L3MBTL4: variants seen among roughly 807,000 people sequenced by gnomAD.
The protein encoded by L3MBTL4 is lethal(3)malignant brain tumor-like protein 4.
Under a neutral mutation model 84.5 loss-of-function variants are expected in L3MBTL4, and 70 were observed. The observed-to-expected ratio is 0.83, with a 90% CI of 0.68 to 1.01. The LOEUF (loss-of-function observed/expected upper bound fraction) is 1.01, where lower values mean the gene tolerates loss of function less well. Among genes scored for constraint, L3MBTL4 ranks in the 50% least tolerant of loss-of-function variants. The pLI is 0.00. For missense variants in L3MBTL4, 715 were observed against 754.8 expected, an observed-to-expected ratio of 0.95 and a Z score of 0.62; for synonymous variants, 274 against 259.8, an observed-to-expected ratio of 1.05 and a Z score of -0.52.
chr18:6,400,970 T>C (rs1460250133), intron 1 of L3MBTL4, among the ~76,000 whole-genome samples: 1 of 152,172 alleles, frequency 6.6e-6, no homozygotes, highest in Non-Finnish European at 1.5e-5. Flanking sequence ...TCACAAGGTG[T>C]CCTCAATGTA....
chr18:6,177,653 G>A (rs141458435), intron 12 of L3MBTL4, among the ~76,000 whole-genome samples: 1 of 152,246 alleles, frequency 6.6e-6, no homozygotes, highest in African/African-American at 2.4e-5. Flanking sequence ...TCTACATTCA[G>A]CTGCTGTCAC....
intron 1 of L3MBTL4, among the ~76,000 whole-genome samples, chr18:6,345,328 C>T (rs955311936): frequency 3.3e-5 from 5 of 151,290 alleles, no homozygotes; most frequent in Non-Finnish European, 5.9e-5. Flanking sequence ...ACCCGTGAGG[C>T]GGAGGTTGCA....
chr18:6,024,537 A>G (rs2055417289), intron 16 of L3MBTL4, among the ~76,000 whole-genome samples: 1 of 152,250 alleles, frequency 6.6e-6, no homozygotes. Flanking sequence ...TAGTCACTAA[A>G]GCCCACAAAA....
At chr18:6,328,620 C>T (rs1456431629) in intron 1 of L3MBTL4, among the ~76,000 whole-genome samples, 1 of 152,186 alleles carries the variant, frequency 6.6e-6, no homozygotes, top group East Asian at 1.9e-4. Context: ...TATTTTGTTG[C>T]TAGAACATGT....
chr18:6,343,616 C>T lies in L3MBTL4; in HGVS notation c.-90-31560G>A, dbSNP rs569907011. Among the ~76,000 whole-genome samples the T allele has an allele frequency of 7.4e-5, 11 of 148,540 alleles. No homozygotes were observed. The South Asian group carries it at 1.3e-3, about 17-fold the overall frequency. ...GGCAGAGCTTGCAGCGAGTCAAGAT[C>T]GCACCACTGCACTCCAGCCTTGGCA... On this transcript the variant is annotated intron_variant, in intron 1 of 18. Transcript: ENST00000317931.
chr18:6,090,905 GC>G (rs1427878719), intron 15 of L3MBTL4, among the ~76,000 whole-genome samples: 1 of 151,680 alleles, frequency 6.6e-6, no homozygotes, highest in Non-Finnish European at 1.5e-5. Flanking sequence ...ATTACAGAAG[GC>G]CTGTCCAGAG....
chr18:6,374,627 T>C (rs912318833), intron 1 of L3MBTL4, among the ~76,000 whole-genome samples: 1 of 152,162 alleles, frequency 6.6e-6, no homozygotes, highest in Non-Finnish European at 1.5e-5. Context: ...ATCACCAGAA[T>C]GGTAAACTGG....
At chr18:6,206,621 G>GT in intron 12 of L3MBTL4, among the ~76,000 whole-genome samples, 1 of 152,278 alleles carries the variant, frequency 6.6e-6, no homozygotes, top group Middle Eastern at 3.4e-3. Context: ...AATGTGAAAG[G>GT]TAAGTCCCTA....
At chr18:6,370,133 C>CAAA (rs35835409) in intron 1 of L3MBTL4, among the ~76,000 whole-genome samples, 21 of 88,264 alleles carry the variant, frequency 2.4e-4, no homozygotes, top group Admixed American at 3.7e-4. Flanking sequence ...GACTCGGTCT[C>CAAA]AAAAAAAAAA....
chr18:6,241,489 T>A, intron 7 of L3MBTL4, 40 bp from the exon 8 acceptor site: 2 of 1,071,512 alleles, frequency 1.9e-6, no homozygotes, highest in Non-Finnish European at 2.8e-6. Flanking sequence ...CCAAAAGATG[T>A]AATCACATGC....
In L3MBTL4 at chr18:6,032,042, A is replaced by G. The variant is rs1324872866; in HGVS notation, c.1444+48839T>C. 3 of 196,418 alleles carry G rather than the reference A, an allele frequency of 1.5e-5. No homozygotes were observed. The Admixed American group carries it at 2.0e-4, about 13-fold the overall frequency. 12.2% of individuals were successfully genotyped at this position (196,418 alleles called of 1,614,324 possible). On this transcript the variant is annotated intron_variant, in intron 16 of 18. Coordinates refer to ENST00000317931, the MANE Select transcript of L3MBTL4 (RefSeq NM_001330559.2). ...GCCCAGGCTGGAGTGCAGTGGTGCA[A>G]TCTCAGGTCAGTGTAATCTCTGCCT...
intron 4 of L3MBTL4, among the ~76,000 whole-genome samples, chr18:6,290,605 G>T (rs60405943): frequency 0.19 from 28,670 of 151,494 alleles, 2,845 homozygotes; most frequent in African/African-American, 0.24. Flanking sequence ...TCAGCTCATT[G>T]CAACCTCAAC....
intron 16 of L3MBTL4, among the ~76,000 whole-genome samples, chr18:6,060,641 C>A (rs1423852869): frequency 6.6e-6 from 1 of 152,054 alleles, no homozygotes; most frequent in African/African-American, 2.4e-5. Flanking sequence ...TTGTACATTT[C>A]TATGGGTTCT....
intron 1 of L3MBTL4, among the ~76,000 whole-genome samples, chr18:6,365,767 T>C (rs868804804): frequency 2.6e-5 from 4 of 152,230 alleles, no homozygotes; most frequent in African/African-American, 7.2e-5. Flanking sequence ...CTGTATTGTT[T>C]GCAAGCAAAA....
intron 18 of L3MBTL4, among the ~76,000 whole-genome samples, chr18:5,959,883 C>T (rs1414037962): frequency 1.3e-5 from 2 of 152,096 alleles, no homozygotes; most frequent in East Asian, 3.9e-4. Context: ...CCAGCTTGGT[C>T]TCACACTGCA....
intron 12 of L3MBTL4, among the ~76,000 whole-genome samples, chr18:6,178,673 C>A (rs2044330596): frequency 6.6e-6 from 1 of 152,178 alleles, no homozygotes; most frequent in African/African-American, 2.4e-5. Context: ...TATCCTTCAA[C>A]AGACAGGAAT....
chr18:5,985,603 C>T (rs1025038788), intron 16 of L3MBTL4, among the ~76,000 whole-genome samples: 1 of 152,146 alleles, frequency 6.6e-6, no homozygotes, highest in South Asian at 2.1e-4. Flanking sequence ...CTGGACCCTA[C>T]GTTATATTCC....
intron 5 of L3MBTL4, among the ~76,000 whole-genome samples, chr18:6,258,351 A>C (rs1212888078): frequency 1.3e-5 from 2 of 152,224 alleles, no homozygotes; most frequent in Admixed American, 6.5e-5. Flanking sequence ...CCTACTCAGC[A>C]GTGCTTGGCA....
chr18:6,222,074 T>C (rs1029295515), intron 10 of L3MBTL4, among the ~76,000 whole-genome samples: 1 of 152,244 alleles, frequency 6.6e-6, no homozygotes, highest in Admixed American at 6.5e-5. Context: ...GTTCACCCTT[T>C]ATTGTTTCAA....
Sources: gnomAD v4.1 joint callset for allele counts (sites outside exome capture counted in the v4.1 genomes callset) on GRCh38, gnomAD v4.1.1 for gene constraint, MANE v1.5 for transcripts, NCBI Gene and HGNC (gene_info 2026-07-23, HGNC 2026-07-21) for gene names.